KLF12: variants seen among roughly 807,000 people sequenced by gnomAD.
KLF12 encodes KLF transcription factor 12, also known as Krueppel-like factor 12.
Under a neutral mutation model 37.8 loss-of-function variants are expected in KLF12, and 9 were observed. That is an observed-to-expected ratio of 0.24 (90% CI 0.14 to 0.42). The LOEUF is 0.42. KLF12 is among the 10% of genes least tolerant of loss of function. The pLI is 1.00. For synonymous variants in KLF12, 208 were observed against 202.1 expected (o/e 1.03, Z -0.25); for missense variants, 411 against 516.0 (o/e 0.80, Z 1.97).
chr13:73,828,443 T>C (rs1361120232), intron 4 of KLF12, among the ~76,000 whole-genome samples: 2 of 152,204 alleles, frequency 1.3e-5, no homozygotes, highest in Non-Finnish European at 2.9e-5. Context: ...TAACTTTTCT[T>C]TCATGTTTTT....
At chr13:74,079,534 T>C (rs1204551851) in intron 1 of KLF12, among the ~76,000 whole-genome samples, 1 of 152,206 alleles carries the variant, frequency 6.6e-6, no homozygotes, top group Non-Finnish European at 1.5e-5. Flanking sequence ...ATAAGGTAAC[T>C]TTCCATTGAA....
At chr13:74,225,788 GA>G in the KLF12 span, among the ~76,000 whole-genome samples, 1 of 152,232 alleles carries the variant, frequency 6.6e-6, no homozygotes, top group Admixed American at 6.5e-5. Flanking sequence ...TCCAGTTAGG[GA>G]GAGAAAAAGT....
intron 2 of KLF12, among the ~76,000 whole-genome samples, chr13:73,960,841 G>A (rs193057735): frequency 6.6e-6 from 1 of 152,176 alleles, no homozygotes; most frequent in East Asian, 1.9e-4. Context: ...ATGTTCTAGG[G>A]AGTTCCTTGA....
intron 6 of KLF12, among the ~76,000 whole-genome samples, chr13:73,744,669 T>C (rs75701238): frequency 0.039 from 5,978 of 151,970 alleles, 171 homozygotes; most frequent in Middle Eastern, 0.062. Context: ...AGCAGGTAGG[T>C]AGACACTGAG....
chr13:73,872,518 T>G (rs900107245), intron 3 of KLF12, among the ~76,000 whole-genome samples: 1 of 152,104 alleles, frequency 6.6e-6, no homozygotes. Flanking sequence ...GACAGTGAGA[T>G]AGAAACCCAG....
chr13:74,272,992 A>G, the KLF12 span, among the ~76,000 whole-genome samples: 2 of 152,214 alleles, frequency 1.3e-5, no homozygotes, highest in East Asian at 3.8e-4. Context: ...TTGCTTTAAA[A>G]TAAATTAAGC....
chr13:73,780,146 C>T (rs557157667), intron 5 of KLF12, among the ~76,000 whole-genome samples: 1 of 152,316 alleles, frequency 6.6e-6, no homozygotes, highest in African/African-American at 2.4e-5. Flanking sequence ...CCACACCACA[C>T]TCTTAAACAA....
chr13:73,895,718 G>A (rs1249295442), intron 3 of KLF12, among the ~76,000 whole-genome samples: 2 of 152,120 alleles, frequency 1.3e-5, no homozygotes, highest in Non-Finnish European at 2.9e-5. Flanking sequence ...CTGAGATGGA[G>A]GGAATGGACA....
chr13:73,966,750 T>C (rs891351421), intron 2 of KLF12, among the ~76,000 whole-genome samples: 1 of 152,174 alleles, frequency 6.6e-6, no homozygotes, highest in African/African-American at 2.4e-5. Flanking sequence ...CGAAACCCAA[T>C]GACACTGAAT....
At chr13:74,099,019 A>G (rs1421759722) in intron 1 of KLF12, among the ~76,000 whole-genome samples, 1 of 152,098 alleles carries the variant, frequency 6.6e-6, no homozygotes, top group Non-Finnish European at 1.5e-5. Flanking sequence ...TACTGGACAT[A>G]TATACATCAT....
intron 1 of KLF12, among the ~76,000 whole-genome samples, chr13:74,082,170 A>AAAAAAAAAAAG (rs1874946206): frequency 6.6e-6 from 1 of 150,532 alleles, no homozygotes; most frequent in Non-Finnish European, 1.5e-5. Context: ...TCTTAAAAAA[A>AAAAAAAAAAAG]AAAAAAAACA....
At chr13:74,092,082 G>C (rs940706811) in intron 1 of KLF12, among the ~76,000 whole-genome samples, 1 of 151,512 alleles carries the variant, frequency 6.6e-6, no homozygotes, top group African/African-American at 2.4e-5. Flanking sequence ...GAGGTCAAGA[G>C]ATCGAGACCA....
chr13:74,143,583 T>C, the KLF12 span, among the ~76,000 whole-genome samples: 4 of 152,212 alleles, frequency 2.6e-5, no homozygotes, highest in African/African-American at 9.6e-5. Flanking sequence ...AAGGTGAGCC[T>C]TGCTAATTTA....
At chr13:74,290,544 C>A in the KLF12 span, among the ~76,000 whole-genome samples, 2 of 152,214 alleles carry the variant, frequency 1.3e-5, no homozygotes, top group South Asian at 4.1e-4. Flanking sequence ...CAGTAACCAG[C>A]ACACAGAGGA....
At chr13:74,070,628 T>A (rs1056970057) in intron 1 of KLF12, among the ~76,000 whole-genome samples, 1 of 152,156 alleles carries the variant, frequency 6.6e-6, no homozygotes, top group African/African-American at 2.4e-5. Context: ...GGCCCACTAA[T>A]TGGTCATGAA....
chr13:73,728,127 AT>A (rs1229787043), intron 6 of KLF12, among the ~76,000 whole-genome samples: 1 of 152,238 alleles, frequency 6.6e-6, no homozygotes, highest in Non-Finnish European at 1.5e-5. Flanking sequence ...AATTAAAAAA[AT>A]TTTTTTAACC....
intron 3 of KLF12, among the ~76,000 whole-genome samples, chr13:73,851,845 C>T (rs765185662): frequency 6.6e-5 from 10 of 152,150 alleles, no homozygotes; most frequent in South Asian, 2.1e-4. Flanking sequence ...TTTTAGGTTA[C>T]GCTGCATTAT....
intron 1 of KLF12, among the ~76,000 whole-genome samples, chr13:74,009,799 C>T (rs1347748542): frequency 6.6e-6 from 1 of 152,146 alleles, no homozygotes; most frequent in East Asian, 1.9e-4. Flanking sequence ...GTCTCGTGCT[C>T]TCATTCTCAA....
At chr13:74,207,041 G>T in the KLF12 span, among the ~76,000 whole-genome samples, 1 of 152,202 alleles carries the variant, frequency 6.6e-6, no homozygotes, top group Non-Finnish European at 1.5e-5. Flanking sequence ...GTCCAAGACT[G>T]AGGGGCTGGC....
Sources: allele counts gnomAD v4.1 joint callset (sites outside exome capture counted in the v4.1 genomes callset), GRCh38; gene constraint gnomAD v4.1.1; transcripts MANE v1.5; gene names NCBI Gene and HGNC (gene_info 2026-07-23, HGNC 2026-07-21).